Variants in NAPB observed in about 807,000 individuals in gnomAD.
NAPB encodes the protein NSF attachment protein beta.
In NAPB, 26 loss-of-function variants were observed where a neutral mutation model predicts 44.7. That is an observed-to-expected ratio of 0.58 (90% CI 0.43 to 0.81). The LOEUF (loss-of-function observed/expected upper bound fraction) is 0.81. Ranked by LOEUF, NAPB falls within the 30% of genes least tolerant of loss-of-function variation. NAPB has a pLI of 0.00. For missense variants in NAPB, 315 were observed against 356.4 expected (o/e 0.88, Z 0.94); for synonymous variants, 120 against 116.8 (o/e 1.03, Z -0.18).
At chr20:23,407,040 C>A (rs1053388837) in intron 1 of NAPB, among the ~76,000 whole-genome samples, 7 of 152,152 alleles carry the variant, frequency 4.6e-5, no homozygotes, top group African/African-American at 1.7e-4. Context: ...CAAGGCTACC[C>A]AGCCAAGGTC....
chr20:23,381,176 G>A, intron 8 of NAPB, 37 bp downstream of exon 8: 1 of 1,380,886 alleles, frequency 7.2e-7, no homozygotes, highest in Non-Finnish European at 1.0e-6. Flanking sequence ...TATTCTTATG[G>A]GTGAAATCAG....
intron 5 of NAPB, 44 bp from the exon 6 acceptor site, chr20:23,390,308 GC>G: frequency 6.6e-7 from 1 of 1,521,728 alleles, no homozygotes; most frequent in East Asian, 2.2e-5. Context: ...TATTTGGAGA[GC>G]TGCATTTTAA....
chr20:23,390,133 C>G, intron 6 of NAPB, 76 bp downstream of exon 6: 1 of 1,517,596 alleles, frequency 6.6e-7, no homozygotes, highest in South Asian at 1.1e-5. Context: ...CAAATACACT[C>G]ACAAAGTATA....
intron 1 of NAPB, among the ~76,000 whole-genome samples, chr20:23,406,668 T>C (rs1008214160): frequency 6.6e-6 from 1 of 152,172 alleles, no homozygotes; most frequent in East Asian, 1.9e-4. Flanking sequence ...CTAATAAGTT[T>C]CCTAAATGGA....
Position 23,377,559 on chromosome 20 carries a change from G to A in NAPB, c.787-73C>T, listed in dbSNP as rs139352539. ...AAAACACAAAATAATAGTACCCCAA[G>A]CTGTTTATACCTTTACAGCCATAAT... is the stretch of plus-strand genomic sequence containing the variant. On this transcript the variant is annotated intron_variant, in intron 10 of 10. Coordinates refer to ENST00000377026, the MANE Select transcript of NAPB (RefSeq NM_022080.3). 1.2e-4 allele frequency: 105 copies of A among 866,878 alleles called. 2 individuals carry two copies. The African/African-American group carries it at 1.3e-3, about 11-fold the overall frequency. The allele number at this position is 866,878 out of a possible 1,614,324, so 53.7% of individuals were successfully genotyped here.
chr20:23,386,780 A>C (rs1307443776), intron 7 of NAPB, among the ~76,000 whole-genome samples: 1 of 152,202 alleles, frequency 6.6e-6, no homozygotes, highest in Non-Finnish European at 1.5e-5. Flanking sequence ...CTAGACCTTG[A>C]CCTATGAGTC....
At chr20:23,419,829 T>TTGCAGCCTTTATGCATTTC (rs1472161534) in intron 1 of NAPB, among the ~76,000 whole-genome samples, 1 of 152,270 alleles carries the variant, frequency 6.6e-6, no homozygotes, top group Middle Eastern at 3.2e-3. Flanking sequence ...TCTTGCATTT[T>TTGCAGCCTTTATGCATTTC]TGCAGCCTTT....
chr20:23,415,161 T>C (rs2123264583), intron 1 of NAPB, among the ~76,000 whole-genome samples: 1 of 152,286 alleles, frequency 6.6e-6, no homozygotes, highest in South Asian at 2.1e-4. Context: ...AAAATCAAGA[T>C]ATCAGGAAGT....
rs1982740427 is a variant in NAPB at position 23,378,798 on chromosome 20, AT to A, written c.786+646del. The A allele has an allele frequency of 1.4e-5, 2 of 146,192 alleles. 1 individual carries two copies. The highest frequency in any genetic ancestry group is 1.4e-4 in the Admixed American group (2 of 14,418). The allele number at this position is 146,192 out of a possible 1,614,324, so 9.1% of individuals were successfully genotyped here. A position where few individuals can be genotyped will look rare whatever the true frequency, so the allele number is the denominator to read the frequency against. ...CAAATTCTCACTACTTAGTTTTTAT[AT>A]TTTAAATTATATTTAATTTTTTTTT... On this transcript the variant is annotated intron_variant, in intron 10 of 10. Transcript: ENST00000377026.
chr20:23,421,132 G>A (rs2123287640), intron 1 of NAPB, among the ~76,000 whole-genome samples, 173 bp downstream of exon 1: 1 of 151,692 alleles, frequency 6.6e-6, no homozygotes, highest in African/African-American at 2.4e-5. Flanking sequence ...GGGGCTCCAG[G>A]GGGCGCTGGG....
intron 3 of NAPB, among the ~76,000 whole-genome samples, chr20:23,396,422 T>C (rs905260867): frequency 6.6e-6 from 1 of 152,214 alleles, no homozygotes; most frequent in Admixed American, 6.5e-5. Context: ...TTAAACAAAA[T>C]GGACTGCTAA....
At chr20:23,409,472 T>G (rs1027890993) in intron 1 of NAPB, among the ~76,000 whole-genome samples, 1 of 152,138 alleles carries the variant, frequency 6.6e-6, no homozygotes, top group African/African-American at 2.4e-5. Flanking sequence ...AGAGAAGAAA[T>G]AGGTATACAC....
chr20:23,411,345 G>C (rs1442578202), intron 1 of NAPB, among the ~76,000 whole-genome samples: 1 of 152,132 alleles, frequency 6.6e-6, no homozygotes, highest in Non-Finnish European at 1.5e-5. Flanking sequence ...AAGAAAATCA[G>C]GCTAAGACTT....
intron 1 of NAPB, among the ~76,000 whole-genome samples, chr20:23,413,853 CA>C (rs1475349763): frequency 1.3e-5 from 2 of 150,774 alleles, no homozygotes; most frequent in African/African-American, 4.9e-5. Flanking sequence ...TCAAAAGCCC[CA>C]ATGGTTTCAC....
intron 2 of NAPB, among the ~76,000 whole-genome samples, chr20:23,402,058 G>C (rs920856313): frequency 6.6e-6 from 1 of 152,188 alleles, no homozygotes; most frequent in African/African-American, 2.4e-5. Context: ...GGTGTGTTTT[G>C]AAAAATAGCA....
chr20:23,388,878 G>C (rs1320973042), intron 7 of NAPB, among the ~76,000 whole-genome samples: 2 of 151,902 alleles, frequency 1.3e-5, no homozygotes, highest in African/African-American at 2.4e-5. Context: ...ACAAAAGCCA[G>C]ACAAAGAAAA....
At chr20:23,405,826 A>G (rs1403510978) in intron 1 of NAPB, among the ~76,000 whole-genome samples, 1 of 152,256 alleles carries the variant, frequency 6.6e-6, no homozygotes, top group Non-Finnish European at 1.5e-5. Flanking sequence ...TTAATGCGCA[A>G]TATGAGCAGT....
At chr20:23,402,948 T>C in intron 2 of NAPB, 45 bp downstream of exon 2, 1 of 1,472,170 alleles carries the variant, frequency 6.8e-7, no homozygotes, top group Non-Finnish European at 9.5e-7. Flanking sequence ...TTCAAAGTGA[T>C]TTTAAACCAT....
chr20:23,411,444 A>G (rs1290700259), intron 1 of NAPB, among the ~76,000 whole-genome samples: 1 of 152,194 alleles, frequency 6.6e-6, no homozygotes, highest in Non-Finnish European at 1.5e-5. Flanking sequence ...GGATTATACA[A>G]CCAGGCCATC....
Sources: allele counts gnomAD v4.1 joint callset (sites outside exome capture counted in the v4.1 genomes callset), GRCh38; gene constraint gnomAD v4.1.1; transcripts MANE v1.5; gene names NCBI Gene and HGNC (gene_info 2026-07-23, HGNC 2026-07-21).